Variants in ARMH3 observed in about 807,000 individuals in gnomAD.
ARMH3 encodes the protein armadillo like helical domain containing 3, also known as armadillo-like helical domain-containing protein 3.
ARMH3 carries 60 observed loss-of-function variants against 99.1 expected under a neutral mutation model. That is an observed-to-expected ratio of 0.61 (90% CI 0.49 to 0.75). The LOEUF is 0.75. ARMH3 is among the 30% of genes least tolerant of loss of function. ARMH3 has a pLI of 0.00. For synonymous variants in ARMH3, 285 were observed against 292.8 expected (o/e 0.97, Z 0.27); for missense variants, 679 against 843.1 (o/e 0.81, Z 2.41).
chr10:101,851,701 T>C (rs2066604450), intron 24 of ARMH3, among the ~76,000 whole-genome samples: 1 of 152,144 alleles, frequency 6.6e-6, no homozygotes, highest in Non-Finnish European at 1.5e-5. Flanking sequence ...CAGGGAAGGC[T>C]TGTGTCCCAA....
chr10:102,033,049 T>G lies in ARMH3; in HGVS notation c.283A>C (p.Ile95Leu), dbSNP rs760122074. Reference protein sequence around the residue: ...CIQALGEEHPIRVVNALQTLC... With the variant: ...CIQALGEEHPLRVVNALQTLC... Reference sequence around the variant, plus strand: ...ACCTGCAATGCATTGACAACCCGAATTGGATGCTCCTCTCCCAGAGCCTGG... The same window carrying G: ...ACCTGCAATGCATTGACAACCCGAAGTGGATGCTCCTCTCCCAGAGCCTGG... Residue 95 changes from isoleucine (I) to leucine (L), a missense_variant, in exon 4 of 26, where the codon ATT becomes CTT. Ile to Leu is a conservative substitution (Grantham distance 5, BLOSUM62 2). Coordinates refer to ENST00000370033, the MANE Select transcript of ARMH3 (RefSeq NM_024541.3). The G allele has an allele frequency of 1.9e-6, 3 of 1,614,190 alleles. No individual in the cohort carries two copies. The Admixed American group carries it at 5.0e-5, about 27-fold the overall frequency.
chr10:101,914,472 A>G (rs1330040726), intron 23 of ARMH3, among the ~76,000 whole-genome samples: 6 of 144,516 alleles, frequency 4.2e-5, no homozygotes, highest in African/African-American at 1.6e-4. Context: ...TGGGCCACAG[A>G]GCGAGACTCT....
chr10:102,034,109 T>C (rs987853208), intron 2 of ARMH3, among the ~76,000 whole-genome samples: 3 of 152,216 alleles, frequency 2.0e-5, no homozygotes, highest in Non-Finnish European at 4.4e-5. Context: ...AGAATTCAGA[T>C]CACCTCAGTA....
At chr10:101,921,948 A>G (rs890394008) in intron 23 of ARMH3, among the ~76,000 whole-genome samples, 12 of 152,184 alleles carry the variant, frequency 7.9e-5, no homozygotes, top group African/African-American at 2.9e-4. Context: ...AGTTACCAAC[A>G]ATGTACTATA....
chr10:101,904,108 A>C (rs1366047115), intron 23 of ARMH3, among the ~76,000 whole-genome samples: 1 of 152,108 alleles, frequency 6.6e-6, no homozygotes, highest in Non-Finnish European at 1.5e-5. Context: ...TCTCCACCAA[A>C]CCACACTGAC....
At chr10:101,962,102 C>T (rs1349349666) in intron 20 of ARMH3, among the ~76,000 whole-genome samples, 5 of 152,228 alleles carry the variant, frequency 3.3e-5, no homozygotes, top group Non-Finnish European at 5.9e-5. Flanking sequence ...AAACTTAACA[C>T]TGTGTAAACA....
chr10:102,012,900 G>T, intron 9 of ARMH3, 24 bp from the exon 10 acceptor site: 1 of 1,591,286 alleles, frequency 6.3e-7, no homozygotes, highest in Non-Finnish European at 8.6e-7. Context: ...GATAGCACAG[G>T]TGAAATAAGA....
At chr10:101,848,270 G>A (rs946278905) in intron 25 of ARMH3, among the ~76,000 whole-genome samples, 3 of 152,102 alleles carry the variant, frequency 2.0e-5, no homozygotes, top group African/African-American at 7.2e-5. Flanking sequence ...AGGAAAGTCT[G>A]GGGCGTATCC....
At chr10:101,945,782 T>C (rs893463617) in intron 22 of ARMH3, among the ~76,000 whole-genome samples, 2 of 150,074 alleles carry the variant, frequency 1.3e-5, no homozygotes. Context: ...CAACATAACA[T>C]TAAAAATGTC....
At chr10:101,920,290 G>T (rs551869716) in intron 23 of ARMH3, among the ~76,000 whole-genome samples, 10 of 152,292 alleles carry the variant, frequency 6.6e-5, no homozygotes, top group African/African-American at 2.2e-4. Context: ...GGACATTCTA[G>T]GCAGGGAGGA....
intron 22 of ARMH3, among the ~76,000 whole-genome samples, chr10:101,951,116 T>C (rs961177748): frequency 6.6e-6 from 1 of 152,254 alleles, no homozygotes; most frequent in Non-Finnish European, 1.5e-5. Flanking sequence ...AAGATTTTCA[T>C]GTTGTAAAAA....
At chr10:101,910,772 G>C (rs537085783) in intron 23 of ARMH3, among the ~76,000 whole-genome samples, 1 of 149,568 alleles carries the variant, frequency 6.7e-6, no homozygotes, top group African/African-American at 2.4e-5. Context: ...GTAATACAAG[G>C]GGATGATTTT....
At chr10:101,870,899 T>A (rs2067116721) in intron 24 of ARMH3, among the ~76,000 whole-genome samples, 1 of 152,086 alleles carries the variant, frequency 6.6e-6, no homozygotes, top group African/African-American at 2.4e-5. Flanking sequence ...GTGATCATGC[T>A]ACTGTACTCT....
At chr10:101,896,802 G>A (rs888589710) in intron 23 of ARMH3, among the ~76,000 whole-genome samples, 3 of 152,196 alleles carry the variant, frequency 2.0e-5, no homozygotes, top group African/African-American at 7.2e-5. Flanking sequence ...GGAGCTTCTG[G>A]AGAGAGAGGG....
chr10:101,990,166 G>A (rs1434354018), intron 19 of ARMH3, among the ~76,000 whole-genome samples: 4 of 150,866 alleles, frequency 2.7e-5, no homozygotes, highest in Non-Finnish European at 4.4e-5. Flanking sequence ...AGTATACACA[G>A]ACCATGAACT....
At chr10:101,915,927 C>T (rs1256773212) in intron 23 of ARMH3, among the ~76,000 whole-genome samples, 1 of 151,958 alleles carries the variant, frequency 6.6e-6, no homozygotes, top group African/African-American at 2.4e-5. Context: ...CCTCAGCCTC[C>T]GGAGTAGCTG....
At chr10:102,026,257 C>T (rs1036469773) in intron 5 of ARMH3, among the ~76,000 whole-genome samples, 2 of 152,094 alleles carry the variant, frequency 1.3e-5, no homozygotes, top group Admixed American at 6.6e-5. Flanking sequence ...GCTGGAAGGC[C>T]AAGGTAAGCT....
At chr10:101,904,975 GAAAA>G (rs922863646) in intron 23 of ARMH3, among the ~76,000 whole-genome samples, 2 of 148,340 alleles carry the variant, frequency 1.3e-5, no homozygotes, top group African/African-American at 4.9e-5. Context: ...AAGAAAGAAA[GAAAA>G]AACAACTCAG....
intron 2 of ARMH3, among the ~76,000 whole-genome samples, chr10:102,035,247 C>T (rs1384211327): frequency 6.6e-6 from 1 of 152,100 alleles, no homozygotes; most frequent in Non-Finnish European, 1.5e-5. Flanking sequence ...AGCCTGTAGT[C>T]CCAGCTACTC....
Sources: allele counts gnomAD v4.1 joint callset (sites outside exome capture counted in the v4.1 genomes callset), GRCh38; gene constraint gnomAD v4.1.1; transcripts MANE v1.5; gene names NCBI Gene and HGNC (gene_info 2026-07-23, HGNC 2026-07-21).